Variants in XIRP2 observed in about 807,000 individuals in gnomAD.
XIRP2 encodes xin actin-binding repeat-containing protein 2.
Under a neutral mutation model 277.0 loss-of-function variants are expected in XIRP2, and 236 were observed. The observed-to-expected ratio is 0.85, with a 90% confidence interval of 0.77 to 0.95. The LOEUF (loss-of-function observed/expected upper bound fraction) is 0.95. Among genes scored for constraint, XIRP2 ranks in the 40% least tolerant of loss-of-function variants. The pLI, the probability that XIRP2 is intolerant of heterozygous loss-of-function variation, is 0.00. For missense variants in XIRP2, 4,640 were observed against 4,157.5 expected (o/e 1.12, Z -3.19); for synonymous variants, 1,490 against 1,416.5 (o/e 1.05, Z -1.17).
chr2:166,925,635 G>GTA (rs972159712), intron 2 of XIRP2, among the ~76,000 whole-genome samples: 3 of 124,772 alleles, frequency 2.4e-5, no homozygotes, highest in Non-Finnish European at 3.4e-5. Context: ...ATACATATAA[G>GTA]TATATATATA....
At chr2:167,078,570 C>T (rs1482628386) in intron 2 of XIRP2, among the ~76,000 whole-genome samples, 1 of 152,112 alleles carries the variant, frequency 6.6e-6, no homozygotes, top group Non-Finnish European at 1.5e-5. Flanking sequence ...GGAGTGGTGG[C>T]TCACGCCTGT....
chr2:167,113,072 T>C (rs1010616008), intron 2 of XIRP2, among the ~76,000 whole-genome samples: 4 of 152,158 alleles, frequency 2.6e-5, no homozygotes, highest in African/African-American at 2.4e-5. Flanking sequence ...TTTTGGAGTA[T>C]GTGCCATGTG....
At chr2:167,201,242 GAAA>G (rs1693696349) in intron 3 of XIRP2, among the ~76,000 whole-genome samples, 1 of 98,828 alleles carries the variant, frequency 1.0e-5, no homozygotes, top group African/African-American at 6.9e-5. Context: ...AAGAAAGAAA[GAAA>G]GAAAGAAAGA....
Position 167,243,429 on chromosome 2 carries a change from T to C in XIRP2, c.2037T>C (p.Thr679=), listed in dbSNP as rs1186490499. 4 of 1,613,874 alleles carry C rather than the reference T, an allele frequency of 2.5e-6. No individual in the cohort carries two copies. In the African/African-American group the frequency reaches 5.3e-5, roughly 22 times the overall value. Residue 679 remains threonine, a synonymous_variant, in exon 9 of 11, where the codon ACT becomes ACC. Coordinates refer to ENST00000409195, the MANE Select transcript of XIRP2 (RefSeq NM_152381.6). ...MHQSQEESAV[T]ISKDITGGDV... Reference sequence around the variant, plus strand: ...AAAGTCAAGAAGAATCAGCGGTAACTATCAGTAAGGACATAACTGGGGGGG... The same window carrying C: ...AAAGTCAAGAAGAATCAGCGGTAACCATCAGTAAGGACATAACTGGGGGGG...
chr2:166,940,022 G>T (rs1010309748), intron 2 of XIRP2, among the ~76,000 whole-genome samples: 2 of 152,158 alleles, frequency 1.3e-5, no homozygotes, highest in Non-Finnish European at 2.9e-5. Context: ...AGTTCTCCTG[G>T]ATAATATCCT....
chr2:167,023,723 C>A (rs1475904752), intron 2 of XIRP2, among the ~76,000 whole-genome samples: 3 of 152,044 alleles, frequency 2.0e-5, no homozygotes, highest in African/African-American at 7.3e-5. Context: ...ATCCTTTCCC[C>A]ATTGCTTGAT....
intron 2 of XIRP2, among the ~76,000 whole-genome samples, chr2:167,020,370 G>A (rs925634874): frequency 4.0e-5 from 6 of 151,804 alleles, no homozygotes; most frequent in Admixed American, 2.6e-4. Context: ...AGATGAAAAA[G>A]CCTATTCTTC....
intron 2 of XIRP2, among the ~76,000 whole-genome samples, chr2:166,914,048 A>C (rs545133421): frequency 6.6e-6 from 1 of 152,354 alleles, no homozygotes; most frequent in Non-Finnish European, 1.5e-5. Flanking sequence ...AATGTGATTA[A>C]TAATCTTGAA....
At chr2:166,908,840 G>A (rs969444116) in intron 2 of XIRP2, among the ~76,000 whole-genome samples, 1 of 152,216 alleles carries the variant, frequency 6.6e-6, no homozygotes, top group East Asian at 1.9e-4. Flanking sequence ...CATATGACTG[G>A]CTAGTTTTCC....
chr2:167,098,474 C>T (rs1690385434), intron 2 of XIRP2, among the ~76,000 whole-genome samples: 1 of 152,194 alleles, frequency 6.6e-6, no homozygotes, highest in South Asian at 2.1e-4. Flanking sequence ...CGTTAGCTTC[C>T]TTGCATTGGG....
intron 2 of XIRP2, among the ~76,000 whole-genome samples, chr2:167,005,292 A>G (rs1036550744): frequency 2.0e-5 from 3 of 151,856 alleles, no homozygotes; most frequent in Admixed American, 6.6e-5. Context: ...TTTAGAGACT[A>G]TATTAGCCTA....
intron 2 of XIRP2, among the ~76,000 whole-genome samples, chr2:167,053,045 A>G (rs1408795224): frequency 6.6e-6 from 1 of 152,206 alleles, no homozygotes; most frequent in African/African-American, 2.4e-5. Context: ...TGACTCAGAC[A>G]CAGAGGCTGC....
rs1288689676 is a variant in XIRP2 at position 167,091,028 on chromosome 2, A to C, written c.409-44881A>C. Among the ~76,000 whole-genome samples the C allele has an allele frequency of 1.3e-5, 2 of 152,168 alleles. 1 individual carries two copies. Among genetic ancestry groups the C allele is most frequent in the African/African-American group, 4.8e-5 (2 of 41,412 alleles). On this transcript the variant is annotated intron_variant, in intron 2 of 10. Transcript: ENST00000409195. ...ATATACAGAAAGAAAATAAAATGTA[A>C]TCCCTAGAGAGCATTCTATTGTTGG...
chr2:167,240,661 C>G lies in XIRP2; in HGVS notation c.970-3C>G. On this transcript the variant is annotated splice_region_variant and splice_polypyrimidine_tract_variant and intron_variant, in intron 6 of 10. Transcript: ENST00000409195. ...TTTATTTTCAAATTCTCTTTAAATA[C>G]AGGTCTCTCATCTTGAAAAGCACAC... The G allele has an allele frequency of 1.2e-6, 2 of 1,612,634 alleles. No homozygotes were observed. The highest frequency in any genetic ancestry group is 1.7e-6 in the Non-Finnish European group (2 of 1,178,838).
intron 2 of XIRP2, among the ~76,000 whole-genome samples, chr2:166,962,136 G>A (rs1219371648): frequency 1.3e-5 from 2 of 151,580 alleles, no homozygotes; most frequent in African/African-American, 2.4e-5. Context: ...TTAGAATCCT[G>A]GGCACCTGGC....
intron 2 of XIRP2, among the ~76,000 whole-genome samples, chr2:166,974,179 C>T (rs1180153021): frequency 6.6e-6 from 1 of 152,064 alleles, no homozygotes; most frequent in Admixed American, 6.5e-5. Context: ...CAGTCTGCAG[C>T]ACGAGTTGTT....
At chr2:167,202,005 G>A (rs1432224791) in intron 3 of XIRP2, among the ~76,000 whole-genome samples, 2 of 152,000 alleles carry the variant, frequency 1.3e-5, no homozygotes, top group Non-Finnish European at 2.9e-5. Flanking sequence ...ATCATATATG[G>A]TTGTTATGAG....
At chr2:166,963,644 A>G (rs1208621942) in intron 2 of XIRP2, among the ~76,000 whole-genome samples, 2 of 151,800 alleles carry the variant, frequency 1.3e-5, no homozygotes, top group African/African-American at 4.8e-5. Flanking sequence ...GGGATAAGTT[A>G]TGGCAAAGAC....
intron 2 of XIRP2, among the ~76,000 whole-genome samples, chr2:166,934,055 C>A (rs1004976385): frequency 3.3e-5 from 5 of 151,910 alleles, no homozygotes; most frequent in Admixed American, 1.3e-4. Context: ...TCCAATATTT[C>A]CTACCTTCTA....
Sources: allele counts gnomAD v4.1 joint callset (sites outside exome capture counted in the v4.1 genomes callset), GRCh38; gene constraint gnomAD v4.1.1; transcripts MANE v1.5; gene names NCBI Gene and HGNC (gene_info 2026-07-23, HGNC 2026-07-21).